ZMAT4: variants seen among roughly 807,000 people sequenced by gnomAD.
ZMAT4 encodes zinc finger matrin-type 4.
A neutral mutation model predicts 28.7 loss-of-function variants in ZMAT4; 17 were observed. The observed-to-expected ratio is 0.59, with a 90% CI of 0.41 to 0.89. The LOEUF is 0.89. Among genes scored for constraint, ZMAT4 ranks in the 40% least tolerant of loss-of-function variants. The pLI is 0.00. For missense variants in ZMAT4, 240 were observed against 283.8 expected, an observed-to-expected ratio of 0.85 and a Z score of 1.11; for synonymous variants, 117 against 109.2, an observed-to-expected ratio of 1.07 and a Z score of -0.44.
At position 40,532,082 on chromosome 8, in the gene ZMAT4, G is replaced by A. The variant is rs1242386292; in HGVS notation, c.*141C>T. The A allele has an allele frequency of 4.3e-6, 3 of 693,280 alleles. No homozygotes were observed. Among genetic ancestry groups the A allele is most frequent in the Non-Finnish European group, 6.3e-6 (3 of 475,568 alleles). 42.9% of individuals were successfully genotyped at this position (693,280 alleles called of 1,614,324 possible). On this transcript the variant is annotated 3_prime_UTR_variant, in exon 7 of 7. Transcript: ENST00000297737. ...AACCTCATTCATTTCCAAAAATCAA[G>A]ATCAGTCGTATGTGAATCTGTGAAT...
chr8:40,666,310 A>C (rs1329544780), intron 5 of ZMAT4, among the ~76,000 whole-genome samples: 1 of 152,214 alleles, frequency 6.6e-6, no homozygotes, highest in Non-Finnish European at 1.5e-5. Flanking sequence ...TTATTAATTT[A>C]AAACTTGGAA....
At chr8:40,715,818 C>T (rs1379542756) in intron 3 of ZMAT4, among the ~76,000 whole-genome samples, 1 of 152,210 alleles carries the variant, frequency 6.6e-6, no homozygotes, top group African/African-American at 2.4e-5. Flanking sequence ...CAGCAGGTTC[C>T]CCTGTGGGTC....
chr8:40,736,834 G>A (rs1173484278), intron 3 of ZMAT4, among the ~76,000 whole-genome samples: 1 of 152,072 alleles, frequency 6.6e-6, no homozygotes, highest in Non-Finnish European at 1.5e-5. Flanking sequence ...GAGGGGCTAA[G>A]CAGCTAACAA....
intron 3 of ZMAT4, among the ~76,000 whole-genome samples, chr8:40,698,625 A>G (rs947289632): frequency 1.3e-5 from 2 of 152,246 alleles, no homozygotes; most frequent in East Asian, 1.9e-4. Context: ...AGGGAATTAC[A>G]TATTTTATCT....
intron 2 of ZMAT4, among the ~76,000 whole-genome samples, chr8:40,814,363 T>C (rs963641139): frequency 6.6e-6 from 1 of 152,194 alleles, no homozygotes; most frequent in South Asian, 2.1e-4. Flanking sequence ...GCGGAATTAC[T>C]TGGGGGTCAG....
chr8:40,763,116 C>T (rs1813005646), intron 3 of ZMAT4, among the ~76,000 whole-genome samples: 1 of 152,132 alleles, frequency 6.6e-6, no homozygotes, highest in African/African-American at 2.4e-5. Context: ...CTTCACCATG[C>T]CCAGGCATAT....
intron 3 of ZMAT4, among the ~76,000 whole-genome samples, chr8:40,713,870 C>A (rs1810729682): frequency 7.0e-6 from 1 of 142,446 alleles, no homozygotes; most frequent in Admixed American, 7.4e-5. Flanking sequence ...GATCCCACCA[C>A]TGCACTCCAG....
At chr8:40,677,169 G>A (rs1032098828) in intron 4 of ZMAT4, among the ~76,000 whole-genome samples, 2 of 152,132 alleles carry the variant, frequency 1.3e-5, no homozygotes, top group Non-Finnish European at 2.9e-5. Flanking sequence ...TATCCTGGTA[G>A]GAGTGAGGCA....
At chr8:40,893,498 C>T (rs1260057622) in intron 1 of ZMAT4, among the ~76,000 whole-genome samples, 1 of 152,182 alleles carries the variant, frequency 6.6e-6, no homozygotes, top group Non-Finnish European at 1.5e-5. Flanking sequence ...TCACAAAGCC[C>T]TGGGACACTG....
chr8:40,844,544 TC>T (rs1422707509), intron 1 of ZMAT4, among the ~76,000 whole-genome samples: 1 of 152,092 alleles, frequency 6.6e-6, no homozygotes, highest in Non-Finnish European at 1.5e-5. Flanking sequence ...ATGCAGGCCT[TC>T]CCTTGGCCTC....
chr8:40,789,576 A>G (rs1290389653), intron 2 of ZMAT4, among the ~76,000 whole-genome samples: 4 of 152,220 alleles, frequency 2.6e-5, no homozygotes, highest in Non-Finnish European at 5.9e-5. Context: ...ACTGTTTGTA[A>G]CACAAAGAAA....
At chr8:40,738,132 A>G (rs1334774427) in intron 3 of ZMAT4, among the ~76,000 whole-genome samples, 1 of 152,176 alleles carries the variant, frequency 6.6e-6, no homozygotes, top group African/African-American at 2.4e-5. Context: ...GACGAGTAGG[A>G]GGTTCTGACT....
intron 1 of ZMAT4, among the ~76,000 whole-genome samples, chr8:40,896,835 A>T (rs890159415): frequency 2.0e-5 from 3 of 152,132 alleles, no homozygotes; most frequent in African/African-American, 7.2e-5. Context: ...CTGCGCACCT[A>T]CACGGAGCCA....
chr8:40,604,776 G>A (rs1283388311), intron 5 of ZMAT4, among the ~76,000 whole-genome samples: 1 of 152,122 alleles, frequency 6.6e-6, no homozygotes, highest in African/African-American at 2.4e-5. Context: ...TCTATCTTTT[G>A]GAGTAGTGTC....
intron 5 of ZMAT4, among the ~76,000 whole-genome samples, chr8:40,654,501 T>C (rs945013842): frequency 1.3e-5 from 2 of 151,930 alleles, no homozygotes; most frequent in Non-Finnish European, 2.9e-5. Flanking sequence ...TATAAAGTCA[T>C]CACACAAAAA....
At position 40,833,924 on chromosome 8, in the gene ZMAT4, C is replaced by T. The variant is rs566586576; in HGVS notation, c.-4-8244G>A. On this transcript the variant is annotated intron_variant, in intron 1 of 6. Transcript: ENST00000297737. The stretch of plus-strand genomic sequence containing the variant: ...CATCACCCAGATGCAGGTGCAAGCT[C>T]TGCTTTCCAGCCTGAGCTTTGTTTA... Among the ~76,000 whole-genome samples the T allele has an allele frequency of 3.9e-5, 6 of 152,336 alleles. No individual in the cohort carries two copies. In the South Asian group the frequency reaches 8.3e-4, roughly 21 times the overall value.
At position 40,608,425 on chromosome 8, in the gene ZMAT4, G is replaced by T. The variant is rs548399925; in HGVS notation, c.578-27164C>A. ...AAAGGCCAGTCTCATTCCCACTGTG[G>T]CCTCCCAACAGCATTGAGTTTATTT... On this transcript the variant is annotated intron_variant, in intron 5 of 6. Coordinates refer to ENST00000297737, the MANE Select transcript of ZMAT4 (RefSeq NM_024645.3). Among the ~76,000 whole-genome samples, 190 of 152,232 alleles carry T rather than the reference G, an allele frequency of 1.2e-3. 1 individual carries two copies. The highest frequency in any genetic ancestry group is 4.5e-3 in the African/African-American group (188 of 41,540).
chr8:40,824,916 C>T (rs866280455), intron 2 of ZMAT4, among the ~76,000 whole-genome samples: 10 of 152,322 alleles, frequency 6.6e-5, no homozygotes, highest in Non-Finnish European at 1.0e-4. Flanking sequence ...TCCTCGGACA[C>T]AGGCCAACCT....
intron 2 of ZMAT4, among the ~76,000 whole-genome samples, chr8:40,771,655 C>T (rs767720360): frequency 6.6e-6 from 1 of 152,120 alleles, no homozygotes; most frequent in African/African-American, 2.4e-5. Flanking sequence ...CCTTCTTAAC[C>T]CAAGAGCAAT....
Sources: gnomAD v4.1 joint callset for allele counts (sites outside exome capture counted in the v4.1 genomes callset) on GRCh38, gnomAD v4.1.1 for gene constraint, MANE v1.5 for transcripts, NCBI Gene and HGNC (gene_info 2026-07-23, HGNC 2026-07-21) for gene names.